The following MYLK4 variants were observed in gnomAD, a reference collection of about 807,000 sequenced individuals.
MYLK4 encodes the protein myosin light chain kinase family member 4, also known as caMLCK like.
A neutral mutation model predicts 48.1 loss-of-function variants in MYLK4; 46 were observed. The ratio of observed to expected loss-of-function variants is 0.96; its 90% CI spans 0.75 to 1.22. MYLK4 has a LOEUF of 1.22. Ranked by LOEUF, MYLK4 falls within the 50% of genes most tolerant of loss-of-function variation. The pLI is 0.00. For missense variants in MYLK4, 451 were observed against 486.1 expected, an observed-to-expected ratio of 0.93 and a Z score of 0.68; for synonymous variants, 170 against 180.8, an observed-to-expected ratio of 0.94 and a Z score of 0.48.
chr6:2,729,150 ATG>A (rs1457922977), intron 2 of MYLK4, among the ~76,000 whole-genome samples: 1 of 152,204 alleles, frequency 6.6e-6, no homozygotes, highest in Non-Finnish European at 1.5e-5. Flanking sequence ...CACACACTTC[ATG>A]TGCCAGCCCC....
chr6:2,766,009 C>T, the MYLK4 span: 1 of 1,351,946 alleles, frequency 7.4e-7, no homozygotes, highest in East Asian at 3.1e-5. Flanking sequence ...TCCCGGTGGC[C>T]CGCTCCAGCA....
At chr6:2,700,617 G>T (rs895826175) in intron 2 of MYLK4, among the ~76,000 whole-genome samples, 2 of 152,142 alleles carry the variant, frequency 1.3e-5, no homozygotes, top group Non-Finnish European at 2.9e-5. Flanking sequence ...AGGGATACGT[G>T]TGTGGAAATG....
chr6:2,732,715 T>G (rs993934282), intron 2 of MYLK4, among the ~76,000 whole-genome samples: 1 of 151,460 alleles, frequency 6.6e-6, no homozygotes, highest in African/African-American at 2.4e-5. Flanking sequence ...CCTGGGTGGT[T>G]GCTGTAGTTT....
intron 2 of MYLK4, among the ~76,000 whole-genome samples, chr6:2,714,043 T>G (rs1175628889): frequency 1.3e-5 from 2 of 152,108 alleles, no homozygotes; most frequent in African/African-American, 4.8e-5. Flanking sequence ...AGTGCACGGT[T>G]GTTTGGAATG....
At chr6:2,740,532 A>T (rs766442271) in intron 2 of MYLK4, among the ~76,000 whole-genome samples, 3 of 152,202 alleles carry the variant, frequency 2.0e-5, no homozygotes, top group Non-Finnish European at 4.4e-5. Flanking sequence ...CTCTGAGGTC[A>T]TCCTGTCTGA....
At chr6:2,758,446 C>A in the MYLK4 span, among the ~76,000 whole-genome samples, 2 of 150,722 alleles carry the variant, frequency 1.3e-5, no homozygotes, top group African/African-American at 4.9e-5. Flanking sequence ...AGATATATAA[C>A]AATAAAAGAT....
chr6:2,685,067 C>A lies in MYLK4; in HGVS notation c.545+229G>T, dbSNP rs1053923293. Among the ~76,000 whole-genome samples the A allele has an allele frequency of 2.0e-5, 3 of 152,244 alleles. No individual in the cohort carries two copies. The highest frequency in any genetic ancestry group is 7.2e-5 in the African/African-American group (3 of 41,462). ...TTTGACAAACAGCGTAGATACAAAG[C>A]TAGATCTACTTGGTCCCACTACTTC... On this transcript the variant is annotated intron_variant, in intron 6 of 12. Coordinates refer to ENST00000274643, the MANE Select transcript of MYLK4 (RefSeq NM_001012418.5). The surrounding 1 kb of genome is among the most constrained non-coding windows in gnomAD (Gnocchi z 4.5).
At position 2,685,186 on chromosome 6, in the gene MYLK4, G is replaced by C. The variant is rs1265227232; in HGVS notation, c.545+110C>G. 2 of 750,084 alleles carry C rather than the reference G, an allele frequency of 2.7e-6. No individual in the cohort carries two copies. Among genetic ancestry groups the C allele is most frequent in the African/African-American group, 3.4e-5 (2 of 58,652 alleles). 46.5% of individuals were successfully genotyped at this position (750,084 alleles called of 1,614,324 possible). On this transcript the variant is annotated intron_variant, in intron 6 of 12. Coordinates refer to ENST00000274643, the MANE Select transcript of MYLK4 (RefSeq NM_001012418.5). The surrounding 1 kb of genome is among the most constrained non-coding windows in gnomAD (Gnocchi z 4.5). Reference sequence around the variant, plus strand: ...GTGATCCGCGCGAATCAGAGTCTGCGGGGGCGAGCTTGGTTCTGGTCCCGC... The same window carrying C: ...GTGATCCGCGCGAATCAGAGTCTGCCGGGGCGAGCTTGGTTCTGGTCCCGC...
At chr6:2,700,439 C>G (rs1401002888) in intron 2 of MYLK4, among the ~76,000 whole-genome samples, 1 of 152,206 alleles carries the variant, frequency 6.6e-6, no homozygotes, top group Non-Finnish European at 1.5e-5. Context: ...TCCGGTCACT[C>G]TGGCCTTTGT....
intron 10 of MYLK4, 69 bp from the exon 11 acceptor site, chr6:2,675,194 C>T: frequency 8.7e-7 from 1 of 1,155,912 alleles, no homozygotes; most frequent in Non-Finnish European, 1.3e-6. Flanking sequence ...TGTTCAATCT[C>T]AACTCCAGCT....
intron 2 of MYLK4, among the ~76,000 whole-genome samples, chr6:2,700,153 T>C (rs1405058222): frequency 2.6e-5 from 4 of 152,132 alleles, no homozygotes; most frequent in Non-Finnish European, 5.9e-5. Context: ...CTGAGTCCTC[T>C]GACTTGAGGC....
In MYLK4 at chr6:2,672,888, C is replaced by T. The variant is rs12193153; in HGVS notation, c.1120-1540G>A. On this transcript the variant is annotated intron_variant, in intron 11 of 12. Transcript: ENST00000274643. The surrounding 1 kb of genome is among the most constrained non-coding windows in gnomAD (Gnocchi z 4.3). Reference sequence around the variant, plus strand: ...CAGACACTAATGTGCCCATTTTGTGCGTTGCTATGAGGAGTCAGTGAGTTA... The same window carrying T: ...CAGACACTAATGTGCCCATTTTGTGTGTTGCTATGAGGAGTCAGTGAGTTA... Among the ~76,000 whole-genome samples, 9,622 of 152,064 alleles carry T rather than the reference C, an allele frequency of 0.063. 335 individuals carry two copies. Among genetic ancestry groups the T allele is most frequent in the South Asian group, 0.083 (399 of 4,810 alleles).
At chr6:2,695,951 A>T (rs1163036075) in intron 2 of MYLK4, among the ~76,000 whole-genome samples, 1 of 152,228 alleles carries the variant, frequency 6.6e-6, no homozygotes, top group Non-Finnish European at 1.5e-5. Flanking sequence ...TCCCCAGTTA[A>T]TGGGATGAAA....
chr6:2,729,439 A>G (rs1763399483), intron 2 of MYLK4, among the ~76,000 whole-genome samples: 1 of 152,238 alleles, frequency 6.6e-6, no homozygotes, highest in African/African-American at 2.4e-5. Context: ...CTCTCCAGAT[A>G]CGCAACAAAT....
At chr6:2,742,796 C>A (rs1206047090) in intron 2 of MYLK4, among the ~76,000 whole-genome samples, 2 of 150,548 alleles carry the variant, frequency 1.3e-5, no homozygotes, top group African/African-American at 4.9e-5. Flanking sequence ...TGCAGCACAC[C>A]AGCATGGCAC....
the MYLK4 span, among the ~76,000 whole-genome samples, chr6:2,763,691 T>C: frequency 1.5e-3 from 223 of 152,316 alleles, no homozygotes; most frequent in African/African-American, 5.2e-3. Context: ...GCTCCGGCCT[T>C]GGCCCGCCCA....
At chr6:2,768,585 A>C in the MYLK4 span, 1 of 902,864 alleles carries the variant, frequency 1.1e-6, no homozygotes, top group South Asian at 2.3e-5. Flanking sequence ...TTCCGAGGTC[A>C]AGTTGCTTTT....
At chr6:2,689,374 A>T (rs2113156611) in intron 3 of MYLK4, among the ~76,000 whole-genome samples, 1 of 152,376 alleles carries the variant, frequency 6.6e-6, no homozygotes, top group Admixed American at 6.5e-5. Flanking sequence ...TCAGAGACAA[A>T]AAAGAAAAAT....
chr6:2,763,429 A>G, the MYLK4 span, among the ~76,000 whole-genome samples: 25,041 of 152,214 alleles, frequency 0.16, 2,317 homozygotes, highest in South Asian at 0.24. Flanking sequence ...AGGAGTCCCC[A>G]GTTGGGGGGA....
Sources: allele counts gnomAD v4.1 joint callset (sites outside exome capture counted in the v4.1 genomes callset), GRCh38; gene constraint gnomAD v4.1.1; non-coding constraint Gnocchi (gnomAD v3.1); transcripts MANE v1.5; gene names NCBI Gene and HGNC (gene_info 2026-07-23, HGNC 2026-07-21).